The following ADGRL3 variants were observed in gnomAD, a reference collection of about 807,000 sequenced individuals.
ADGRL3 encodes calcium-independent alpha-latrotoxin receptor 3.
ADGRL3 carries 62 observed loss-of-function variants against 153.5 expected under a neutral mutation model. That is an observed-to-expected ratio of 0.40 (90% CI 0.33 to 0.50). The LOEUF (loss-of-function observed/expected upper bound fraction) is 0.50. ADGRL3 is among the 20% of genes least tolerant of loss of function. The probability of loss-of-function intolerance (pLI) is 0.47; values close to 1 mark genes in which losing one functional copy is unlikely to be tolerated. For missense variants in ADGRL3, 1,641 were observed against 1,859.4 expected (o/e 0.88, Z 2.16); for synonymous variants, 710 against 672.5 (o/e 1.06, Z -0.86).
intron 9 of ADGRL3, among the ~76,000 whole-genome samples, chr4:61,825,832 G>A (rs2097795248): frequency 6.6e-6 from 1 of 152,058 alleles, no homozygotes; most frequent in Non-Finnish European, 1.5e-5. Context: ...CAGAAAATGT[G>A]AATTTAAAAA....
chr4:61,414,872 T>G (rs2097128908), intron 2 of ADGRL3, among the ~76,000 whole-genome samples: 1 of 151,974 alleles, frequency 6.6e-6, no homozygotes, highest in Non-Finnish European at 1.5e-5. Context: ...ATAGTAATTT[T>G]GATATTTACA....
chr4:61,456,429 CTA>C (rs779293435), intron 2 of ADGRL3, among the ~76,000 whole-genome samples: 10 of 34,254 alleles, frequency 2.9e-4, no homozygotes, highest in Non-Finnish European at 2.9e-4. Flanking sequence ...ATATCTATAT[CTA>C]TATATATAGA....
chr4:61,742,405 A>T (rs796385021), intron 8 of ADGRL3, among the ~76,000 whole-genome samples: 1 of 152,068 alleles, frequency 6.6e-6, no homozygotes, highest in East Asian at 1.9e-4. Flanking sequence ...CAGCCTCCCG[A>T]GTAGCTGGGA....
At chr4:61,325,096 G>A (rs184942844) in intron 1 of ADGRL3, among the ~76,000 whole-genome samples, 54 of 152,144 alleles carry the variant, frequency 3.5e-4, no homozygotes, top group Non-Finnish European at 6.9e-4. Flanking sequence ...GGTGAATCAC[G>A]AGGTCAGGAG....
At chr4:61,995,623 A>C (rs1393788580) in intron 19 of ADGRL3, among the ~76,000 whole-genome samples, 5 of 152,190 alleles carry the variant, frequency 3.3e-5, no homozygotes, top group African/African-American at 1.2e-4. Flanking sequence ...TGAAGAACGA[A>C]AATGTAATTT....
chr4:61,853,291 C>T (rs912412448), intron 9 of ADGRL3, among the ~76,000 whole-genome samples: 5 of 152,084 alleles, frequency 3.3e-5, no homozygotes, highest in African/African-American at 9.7e-5. Context: ...ATTCCTATCG[C>T]TCATGAAATT....
At chr4:61,771,042 G>A (rs571089335) in intron 8 of ADGRL3, among the ~76,000 whole-genome samples, 15 of 152,158 alleles carry the variant, frequency 9.9e-5, no homozygotes, top group African/African-American at 3.6e-4. Flanking sequence ...AACAAAAAGG[G>A]GTCCTGAAAG....
At chr4:61,513,576 G>T (rs950807238) in intron 3 of ADGRL3, among the ~76,000 whole-genome samples, 23 of 152,144 alleles carry the variant, frequency 1.5e-4, no homozygotes, top group African/African-American at 5.3e-4. Flanking sequence ...TTTCACGCTT[G>T]CCCACTAGGA....
chr4:61,252,240 G>A (rs145423266), intron 1 of ADGRL3, among the ~76,000 whole-genome samples: 2 of 152,208 alleles, frequency 1.3e-5, no homozygotes, highest in Admixed American at 6.5e-5. Flanking sequence ...TCAGTATCAT[G>A]CATATAAGTT....
At chr4:62,040,919 CAGAATTCTAAGTGAGAAAA>C (rs1727921614) in intron 24 of ADGRL3, among the ~76,000 whole-genome samples, 1 of 151,896 alleles carries the variant, frequency 6.6e-6, no homozygotes, top group South Asian at 2.1e-4. Flanking sequence ...TTCAGGGAAA[CAGAATTCTAAGTGAGAAAA>C]TGGCTAATGC....
chr4:61,551,419 A>G (rs895805745), intron 4 of ADGRL3, among the ~76,000 whole-genome samples: 1 of 152,146 alleles, frequency 6.6e-6, no homozygotes, highest in Non-Finnish European at 1.5e-5. Context: ...TTATGTTAAA[A>G]AAGTGTTTTG....
At chr4:61,275,825 G>A (rs893684317) in intron 1 of ADGRL3, among the ~76,000 whole-genome samples, 25 of 152,168 alleles carry the variant, frequency 1.6e-4, no homozygotes, top group Non-Finnish European at 7.3e-5. Flanking sequence ...CCTCAGGGGA[G>A]ACCCTGTTGA....
chr4:61,715,092 C>T (rs1008646362), intron 6 of ADGRL3, among the ~76,000 whole-genome samples: 1 of 152,134 alleles, frequency 6.6e-6, no homozygotes, highest in African/African-American at 2.4e-5. Flanking sequence ...CCTTTTTTAA[C>T]ATTTAACATA....
intron 2 of ADGRL3, among the ~76,000 whole-genome samples, chr4:61,481,307 T>A (rs1020151217): frequency 3.3e-5 from 5 of 152,264 alleles, no homozygotes; most frequent in Admixed American, 2.0e-4. Flanking sequence ...CAGGATGGTG[T>A]TCTGTAAATA....
chr4:61,533,242 A>G (rs1235680846), intron 4 of ADGRL3, among the ~76,000 whole-genome samples: 1 of 152,190 alleles, frequency 6.6e-6, no homozygotes, highest in African/African-American at 2.4e-5. Flanking sequence ...GGCAGTTTCA[A>G]CCTAAGATCT....
intron 1 of ADGRL3, among the ~76,000 whole-genome samples, chr4:61,342,704 C>T (rs774764461): frequency 6.6e-6 from 1 of 152,092 alleles, no homozygotes; most frequent in Admixed American, 6.5e-5. Flanking sequence ...TTCTAGCACC[C>T]GTCTCATAGC....
chr4:61,973,672 T>C (rs1342072013), intron 17 of ADGRL3, among the ~76,000 whole-genome samples: 1 of 152,124 alleles, frequency 6.6e-6, no homozygotes, highest in Non-Finnish European at 1.5e-5. Context: ...GCTAATTTCC[T>C]TGAAGTCTTT....
At chr4:61,886,289 G>A (rs1462691871) in intron 9 of ADGRL3, among the ~76,000 whole-genome samples, 1 of 152,088 alleles carries the variant, frequency 6.6e-6, no homozygotes, top group East Asian at 1.9e-4. Flanking sequence ...TTTCTACCCA[G>A]GGCACTGCAC....
chr4:61,252,704 T>TA (rs397780645), intron 1 of ADGRL3, among the ~76,000 whole-genome samples: 1 of 148,576 alleles, frequency 6.7e-6, no homozygotes, highest in Non-Finnish European at 1.5e-5. Flanking sequence ...TTTTTTTTTT[T>TA]AAGTCCCGGT....
Sources: allele counts gnomAD v4.1 joint callset (sites outside exome capture counted in the v4.1 genomes callset), GRCh38; gene constraint gnomAD v4.1.1; transcripts MANE v1.5; gene names NCBI Gene and HGNC (gene_info 2026-07-23, HGNC 2026-07-21).